The following ARMH3 variants were observed in gnomAD, a reference collection of about 807,000 sequenced individuals.
ARMH3 encodes armadillo like helical domain containing 3, also known as armadillo-like helical domain-containing protein 3.
In ARMH3, 60 loss-of-function variants were observed where a neutral mutation model predicts 99.1. The ratio of observed to expected loss-of-function variants is 0.61; its 90% CI spans 0.49 to 0.75. ARMH3 has a LOEUF of 0.75. ARMH3 is among the 30% of genes least tolerant of loss of function. The pLI, the probability that ARMH3 is intolerant of heterozygous loss-of-function variation, is 0.00. For missense variants in ARMH3, 679 were observed against 843.1 expected, an observed-to-expected ratio of 0.81 and a Z score of 2.41; for synonymous variants, 285 against 292.8, an observed-to-expected ratio of 0.97 and a Z score of 0.27.
chr10:101,881,703 G>GA (rs2067424323), intron 24 of ARMH3, among the ~76,000 whole-genome samples: 1 of 152,182 alleles, frequency 6.6e-6, no homozygotes, highest in Non-Finnish European at 1.5e-5. Flanking sequence ...GAGTCAGTGC[G>GA]ATAGGGATTA....
At chr10:102,054,558 G>C (rs1031063603) in intron 1 of ARMH3, among the ~76,000 whole-genome samples, 2 of 152,124 alleles carry the variant, frequency 1.3e-5, no homozygotes, top group African/African-American at 2.4e-5. Context: ...TCTTCACACA[G>C]AAGCTATTGT....
At chr10:102,025,272 T>C in intron 5 of ARMH3, 24 bp from the exon 6 acceptor site, 1 of 1,594,314 alleles carries the variant, frequency 6.3e-7, no homozygotes, top group South Asian at 1.1e-5. Flanking sequence ...CCAATAAGCA[T>C]TAAACCATAC....
chr10:102,010,568 C>T (rs1044421196), intron 11 of ARMH3, among the ~76,000 whole-genome samples: 1 of 152,174 alleles, frequency 6.6e-6, no homozygotes, highest in Non-Finnish European at 1.5e-5. Flanking sequence ...CTAGTCAGAG[C>T]AAGTGAATAA....
At chr10:102,005,721 T>A (rs940898717) in intron 14 of ARMH3, among the ~76,000 whole-genome samples, 2 of 152,200 alleles carry the variant, frequency 1.3e-5, no homozygotes, top group African/African-American at 4.8e-5. Context: ...CCAAACACAC[T>A]CAGCCTATAA....
At position 101,914,857 on chromosome 10, in the gene ARMH3, T is replaced by C. The variant is rs1404939031; in HGVS notation, c.1781+25006A>G. On this transcript the variant is annotated intron_variant, in intron 23 of 25. Transcript: ENST00000370033. The stretch of plus-strand genomic sequence containing the variant: ...ACTCCAGCCTAGGTGACAGTGAAAA[T>C]CCATCTCAAAAAAAAAAAAAAAAAA... Among the ~76,000 whole-genome samples the C allele has an allele frequency of 2.4e-3, 177 of 75,010 alleles. 1 individual carries two copies. The highest frequency in any genetic ancestry group is 8.0e-3 in the African/African-American group (164 of 20,474). The allele number at this position is 75,010 out of a possible 152,430, so 49.2% of individuals were successfully genotyped here.
rs148207508 is a variant in ARMH3 at position 102,046,965 on chromosome 10, G to T, written c.-11-6840C>A. On this transcript the variant is annotated intron_variant, in intron 1 of 25. Coordinates refer to ENST00000370033, the MANE Select transcript of ARMH3 (RefSeq NM_024541.3). ...GTCAGTGGATGAAGGTGCCATGGTAGAAAGTAAAAGATAATTGTCTGATGT... is the reference window on the plus strand; with the variant it reads ...GTCAGTGGATGAAGGTGCCATGGTATAAAGTAAAAGATAATTGTCTGATGT... Among the ~76,000 whole-genome samples the T allele has an allele frequency of 4.3e-3, 654 of 152,298 alleles. 4 individuals are homozygous for T. Among genetic ancestry groups the T allele is most frequent in the African/African-American group, 0.014 (596 of 41,560 alleles).
intron 24 of ARMH3, among the ~76,000 whole-genome samples, chr10:101,887,044 T>C (rs778269204): frequency 2.5e-4 from 38 of 152,186 alleles, no homozygotes; most frequent in Non-Finnish European, 5.3e-4. Flanking sequence ...GACATTCACA[T>C]TAATGCTCAT....
chr10:101,892,562 G>T (rs1233091257), intron 23 of ARMH3, among the ~76,000 whole-genome samples: 2 of 151,926 alleles, frequency 1.3e-5, no homozygotes, highest in Non-Finnish European at 2.9e-5. Context: ...TGATAGTAAA[G>T]AATTATAGAA....
At chr10:101,934,876 T>C (rs1467074727) in intron 23 of ARMH3, among the ~76,000 whole-genome samples, 1 of 152,020 alleles carries the variant, frequency 6.6e-6, no homozygotes, top group Non-Finnish European at 1.5e-5. Context: ...CTGCCAAGTG[T>C]TGGCAGGAAA....
chr10:102,012,729 T>C (rs1354580603), intron 10 of ARMH3, 104 bp downstream of exon 10: 1 of 1,120,312 alleles, frequency 8.9e-7, no homozygotes, highest in Non-Finnish European at 1.3e-6. Context: ...ATCTGAATAC[T>C]CTTAGACTAG....
chr10:102,053,214 TAA>T (rs1191838493), intron 1 of ARMH3, among the ~76,000 whole-genome samples: 455 of 49,006 alleles, frequency 9.3e-3, no homozygotes, highest in African/African-American at 0.03. Context: ...CCTCAGAAGC[TAA>T]AAAAAAAAAA....
At position 102,023,412 on chromosome 10, in the gene ARMH3, T is replaced by C. The variant is rs561021671; in HGVS notation, c.669+65A>G. ...GTCTTCTACATTAAGCAAAGTCCTT[T>C]AGGAGGGGCCGCATTTAAGAAGATT... On this transcript the variant is annotated intron_variant, in intron 8 of 25. Transcript: ENST00000370033. The C allele has an allele frequency of 1.3e-4, 191 of 1,432,828 alleles. 3 individuals are homozygous for C. The highest frequency in any genetic ancestry group is 1.3e-3 in the South Asian group (106 of 82,578). 88.8% of individuals were successfully genotyped at this position (1,432,828 alleles called of 1,614,324 possible).
intron 24 of ARMH3, among the ~76,000 whole-genome samples, chr10:101,854,578 C>A (rs1413043469): frequency 2.0e-5 from 3 of 152,062 alleles, no homozygotes; most frequent in Admixed American, 6.6e-5. Context: ...AAACACTTTG[C>A]CTCAACTTAG....
chr10:101,903,080 G>A (rs972773855), intron 23 of ARMH3, among the ~76,000 whole-genome samples: 3 of 152,300 alleles, frequency 2.0e-5, no homozygotes, highest in Non-Finnish European at 4.4e-5. Flanking sequence ...GAAAGGTGAC[G>A]CTACCAAAAG....
intron 24 of ARMH3, among the ~76,000 whole-genome samples, chr10:101,853,611 C>T (rs1170402228): frequency 6.6e-6 from 1 of 152,222 alleles, no homozygotes; most frequent in East Asian, 1.9e-4. Context: ...CGTCAGGTAA[C>T]AGTCTACGCC....
At chr10:101,977,729 G>A (rs1846072016) in intron 19 of ARMH3, among the ~76,000 whole-genome samples, 1 of 152,196 alleles carries the variant, frequency 6.6e-6, no homozygotes, top group Non-Finnish European at 1.5e-5. Flanking sequence ...TATCATGAGA[G>A]TGGGTTAGTT....
chr10:101,845,721 G>T lies in ARMH3; in HGVS notation c.*1807C>A, dbSNP rs1045314440. ...CCCCAGGCTGAGCTATCCATCCAGT[G>T]ATCAGATGACCCAGCCTGTGATCTC... On this transcript the variant is annotated 3_prime_UTR_variant, in exon 26 of 26. Coordinates refer to ENST00000370033, the MANE Select transcript of ARMH3 (RefSeq NM_024541.3). The T allele has an allele frequency of 6.6e-6, 1 of 152,232 alleles. No individual in the cohort carries two copies. Among genetic ancestry groups the T allele is most frequent in the Non-Finnish European group, 1.5e-5 (1 of 68,048 alleles). The allele number at this position is 152,232 out of a possible 1,614,324, so 9.4% of individuals were successfully genotyped here. A position where few individuals can be genotyped will look rare whatever the true frequency, so the allele number is the denominator to read the frequency against.
chr10:102,027,138 G>A (rs563719709), intron 5 of ARMH3, among the ~76,000 whole-genome samples: 1 of 152,280 alleles, frequency 6.6e-6, no homozygotes, highest in Admixed American at 6.5e-5. Flanking sequence ...AATTAGCTGA[G>A]TGTGGTGGCG....
chr10:102,025,018 C>T, intron 6 of ARMH3, 138 bp downstream of exon 6: 1 of 705,034 alleles, frequency 1.4e-6, no homozygotes, highest in Non-Finnish European at 2.4e-6. Context: ...ACTTCCTATA[C>T]ATCCAGACAC....
Sources: gnomAD v4.1 joint callset for allele counts (sites outside exome capture counted in the v4.1 genomes callset) on GRCh38, gnomAD v4.1.1 for gene constraint, MANE v1.5 for transcripts, NCBI Gene and HGNC (gene_info 2026-07-23, HGNC 2026-07-21) for gene names.